The following ART3 variants were observed in gnomAD, a reference collection of about 807,000 sequenced individuals.
The protein encoded by ART3 is ADP-ribosyltransferase 3 (inactive).
In ART3, 49 loss-of-function variants were observed where a neutral mutation model predicts 48.5. The observed-to-expected ratio is 1.01, with a 90% CI of 0.80 to 1.28. ART3 has a LOEUF of 1.28. Ranked by LOEUF, ART3 falls within the 50% of genes most tolerant of loss-of-function variation. The pLI is 0.00. For synonymous variants in ART3, 145 were observed against 157.2 expected (o/e 0.92, Z 0.58); for missense variants, 438 against 454.3 (o/e 0.96, Z 0.33).
At chr4:76,058,527 C>A (rs1208908648) in intron 1 of ART3, 2 of 152,200 alleles carry the variant, frequency 1.3e-5, no homozygotes, top group East Asian at 3.9e-4. Flanking sequence ...CTTCATAATT[C>A]TAGGAATCAA....
At chr4:76,012,404 A>G (rs1300251686) in intron 1 of ART3, among the ~76,000 whole-genome samples, 2 of 152,186 alleles carry the variant, frequency 1.3e-5, no homozygotes, top group African/African-American at 4.8e-5. Flanking sequence ...AAGTCTTAGA[A>G]GCCCCAAGAG....
chr4:76,078,544 C>T (rs549043003), intron 2 of ART3, among the ~76,000 whole-genome samples: 1 of 152,108 alleles, frequency 6.6e-6, no homozygotes, highest in African/African-American at 2.4e-5. Flanking sequence ...ACCTACAAAC[C>T]CAGGACTACG....
chr4:76,022,789 A>G, intron 1 of ART3: 2 of 1,612,176 alleles, frequency 1.2e-6, no homozygotes, highest in Non-Finnish European at 1.7e-6. Context: ...TGATGCAGGT[A>G]CAGCGTACAG....
intron 1 of ART3, chr4:76,011,408 G>C (rs1488045617): frequency 1.3e-5 from 2 of 152,800 alleles, no homozygotes; most frequent in Non-Finnish European, 1.5e-5. Context: ...TTTTGGGGAT[G>C]GGTGGGAAGG....
At chr4:76,098,249 G>A (rs1418125547) in intron 4 of ART3, among the ~76,000 whole-genome samples, 2 of 151,784 alleles carry the variant, frequency 1.3e-5, no homozygotes, top group Admixed American at 1.3e-4. Flanking sequence ...AAAGATTTGG[G>A]AAGGCAGACA....
chr4:76,020,561 T>C (rs149030102), intron 1 of ART3, among the ~76,000 whole-genome samples: 2 of 152,274 alleles, frequency 1.3e-5, no homozygotes, highest in East Asian at 3.9e-4. Context: ...GGGAAACTGA[T>C]TGGATGATGG....
At chr4:76,090,368 A>T (rs1316150869) in intron 3 of ART3, among the ~76,000 whole-genome samples, 1 of 152,246 alleles carries the variant, frequency 6.6e-6, no homozygotes, top group Admixed American at 6.5e-5. Context: ...GTCTGTCTCA[A>T]TTAGGCCCAG....
At chr4:76,072,345 C>T (rs139771875), upstream of ART3, among the ~76,000 whole-genome samples, 52 of 152,274 alleles carry the variant, frequency 3.4e-4, 1 homozygote, top group East Asian at 8.5e-3. Context: ...CTACAAAAGT[C>T]GGATTTTTAA....
rs1167424241 is a variant in ART3 at position 76,105,995 on chromosome 4, A to G, written c.1003+1366A>G. ...GGCCACTAGATTTTGTTGGGACTAC[A>G]GTGTATTGTGCCCTCTCCTGGAAAG... On this transcript the variant is annotated intron_variant, in intron 10 of 11. Coordinates refer to ENST00000355810, the MANE Select transcript of ART3 (RefSeq NM_001130016.3). 3 of 985,304 alleles carry G rather than the reference A, an allele frequency of 3.0e-6. No individual in the cohort carries two copies. The African/African-American group carries it at 5.2e-5, about 17-fold the overall frequency. 61.0% of individuals were successfully genotyped at this position (985,304 alleles called of 1,614,324 possible).
chr4:76,054,972 G>A (rs1718544687), intron 1 of ART3, among the ~76,000 whole-genome samples: 1 of 152,096 alleles, frequency 6.6e-6, no homozygotes, highest in Non-Finnish European at 1.5e-5. Flanking sequence ...AGACAGTCTT[G>A]TTATGTTGCT....
intron 1 of ART3, chr4:76,035,023 C>G: frequency 6.3e-7 from 1 of 1,582,316 alleles, no homozygotes; most frequent in Non-Finnish European, 8.7e-7. Context: ...CAGATTATAA[C>G]ATGGGAGTAA....
chr4:76,045,225 G>T (rs1735384840), intron 1 of ART3, among the ~76,000 whole-genome samples: 1 of 151,972 alleles, frequency 6.6e-6, no homozygotes, highest in Non-Finnish European at 1.5e-5. Context: ...GATCATCTCG[G>T]GCGGCATAAG....
chr4:76,096,760 T>G (rs1034348725), intron 3 of ART3, among the ~76,000 whole-genome samples: 1 of 152,264 alleles, frequency 6.6e-6, no homozygotes, highest in African/African-American at 2.4e-5. Flanking sequence ...CAAAAAGTAC[T>G]GTCAGATGCC....
chr4:76,108,179 T>C (rs1728831663), intron 11 of ART3, among the ~76,000 whole-genome samples: 1 of 151,790 alleles, frequency 6.6e-6, no homozygotes, highest in African/African-American at 2.4e-5. Flanking sequence ...AGAAAGAAGA[T>C]CCATAGATGA....
chr4:76,091,679 C>CT (rs869226732), intron 3 of ART3, among the ~76,000 whole-genome samples: 1,773 of 112,302 alleles, frequency 0.016, 43 homozygotes, highest in African/African-American at 0.032. Flanking sequence ...TGTAGCTTAT[C>CT]TTTTTTTTTT....
intron 1 of ART3, among the ~76,000 whole-genome samples, chr4:76,059,922 G>A (rs1328733481): frequency 6.6e-6 from 1 of 152,206 alleles, no homozygotes; most frequent in African/African-American, 2.4e-5. Flanking sequence ...AGAGGATGTT[G>A]TGGGTTTATA....
At chr4:76,063,798 A>T (rs1373577247) in intron 1 of ART3, among the ~76,000 whole-genome samples, 1 of 152,226 alleles carries the variant, frequency 6.6e-6, no homozygotes, top group Non-Finnish European at 1.5e-5. Flanking sequence ...CATTGAATTT[A>T]TACAAATCTT....
At chr4:76,081,751 G>T (rs527679736) in intron 2 of ART3, 73 bp from the exon 3 acceptor site, 2 of 1,465,410 alleles carry the variant, frequency 1.4e-6, no homozygotes, top group Non-Finnish European at 1.9e-6. Context: ...GAAGGTGGGG[G>T]TAATAATGTG....
intron 1 of ART3, among the ~76,000 whole-genome samples, chr4:76,043,078 A>G (rs566816017): frequency 2.6e-5 from 4 of 152,016 alleles, no homozygotes; most frequent in African/African-American, 7.2e-5. Flanking sequence ...CGATTGGTGC[A>G]TTCACAAACC....
Sources: allele counts gnomAD v4.1 joint callset (sites outside exome capture counted in the v4.1 genomes callset), GRCh38; gene constraint gnomAD v4.1.1; transcripts MANE v1.5; gene names NCBI Gene and HGNC (gene_info 2026-07-23, HGNC 2026-07-21).